Variants in MAST1 observed in about 807,000 individuals in gnomAD.
MAST1 encodes microtubule-associated serine/threonine-protein kinase 1.
Under a neutral mutation model 124.6 loss-of-function variants are expected in MAST1, and 40 were observed. The ratio of observed to expected loss-of-function variants is 0.32; its 90% CI spans 0.25 to 0.42. The LOEUF (loss-of-function observed/expected upper bound fraction) is 0.42, where lower values mean the gene tolerates loss of function less well. MAST1 is among the 10% of genes least tolerant of loss of function. MAST1 has a pLI of 1.00. For missense variants in MAST1, 1,558 were observed against 2,181.9 expected (o/e 0.71, Z 5.70); for synonymous variants, 938 against 939.4 (o/e 1.00, Z 0.03).
At position 12,841,919 on chromosome 19, in the gene MAST1, G is replaced by C. The variant is rs1969833966; in HGVS notation, c.248+853G>C. Among the ~76,000 whole-genome samples, 1 of 152,168 alleles carries C rather than the reference G, an allele frequency of 6.6e-6. No individual in the cohort carries two copies. Among genetic ancestry groups the C allele is most frequent in the Non-Finnish European group, 1.5e-5 (1 of 68,040 alleles). On this transcript the variant is annotated intron_variant, in intron 3 of 25. Coordinates refer to ENST00000251472, the MANE Select transcript of MAST1 (RefSeq NM_014975.3). This position sits in a 1 kb window ranked among gnomAD's most constrained non-coding sequence, Gnocchi z 4.3. ...ATAGAGAGCCAGGACAAGGCTCTGG[G>C]ATAGGGTCTCACATGTTTATCCGCA... is the stretch of plus-strand genomic sequence containing the variant.
In MAST1 at chr19:12,866,072, G is replaced by A. The variant is rs1970149893; in HGVS notation, c.1999G>A (p.Glu667Lys). ...RQKAEFIPHL[E>K]SEDDTSYFDT... ...GAAGGCCGAGTTCATCCCCCACCTA[G>A]AGTCGGAAGATGACACTAGCTACTT... Residue 667 changes from glutamate to lysine, a missense_variant, in exon 17 of 26, where the codon GAG becomes AAG. By Grantham distance (56) the Glu-to-Lys change is moderately conservative. Around this residue, in one of 10 missense-constraint regions of MAST1, gnomAD observed 145 missense variants for 350.0 expected, o/e 0.41. Transcript: ENST00000251472. The surrounding 1 kb of genome is among the most constrained non-coding windows in gnomAD (Gnocchi z 5.2). The A allele has an allele frequency of 6.2e-7, 1 of 1,614,028 alleles. No homozygotes were observed. The highest frequency in any genetic ancestry group is 1.3e-5 in the African/African-American group (1 of 74,954).
Position 12,866,821 on chromosome 19 carries a change from G to C in MAST1, c.2139+59G>C, listed in dbSNP as rs1970160815. ...CCCCAGGAGGGATGGGGCTTGGAGAGACAGTGAGAAACAGGTTCCCTGGTG... is the reference window on the plus strand; with the variant it reads ...CCCCAGGAGGGATGGGGCTTGGAGACACAGTGAGAAACAGGTTCCCTGGTG... On this transcript the variant is annotated intron_variant, in intron 18 of 25. Coordinates refer to ENST00000251472, the MANE Select transcript of MAST1 (RefSeq NM_014975.3). The surrounding 1 kb of genome is among the most constrained non-coding windows in gnomAD (Gnocchi z 5.2). 7.1e-7 allele frequency: 1 copy of C among 1,409,604 alleles called. No homozygotes were observed. Among genetic ancestry groups the C allele is most frequent in the Admixed American group, 1.9e-5 (1 of 53,140 alleles). 87.3% of individuals were successfully genotyped at this position (1,409,604 alleles called of 1,614,324 possible).
intron 10 of MAST1, among the ~76,000 whole-genome samples, chr19:12,853,368 T>C (rs1969985600): frequency 1.3e-5 from 2 of 151,630 alleles, no homozygotes; most frequent in Admixed American, 1.3e-4. Flanking sequence ...GGATTGTTTG[T>C]GCTAAGGCAT....
At position 12,865,034 on chromosome 19, in the gene MAST1, C is replaced by T. The variant is rs1398000515; in HGVS notation, c.1506-12C>T. 1.2e-6 allele frequency: 2 copies of T among 1,613,970 alleles called. No individual in the cohort carries two copies. The highest frequency in any genetic ancestry group is 1.3e-5 in the African/African-American group (1 of 75,050). On this transcript the variant is annotated splice_polypyrimidine_tract_variant and intron_variant, in intron 13 of 25. Transcript: ENST00000251472. This position sits in a 1 kb window ranked among gnomAD's most constrained non-coding sequence, Gnocchi z 7.1. Reference sequence around the variant, plus strand: ...CGGGCCTCATCCCTGAGATCCCCACCTGTGCCTACAGCCTCCTTATCACCT... The same window carrying T: ...CGGGCCTCATCCCTGAGATCCCCACTTGTGCCTACAGCCTCCTTATCACCT...
At chr19:12,867,380 G>A (rs1310326751) in intron 18 of MAST1, 94 bp from the exon 19 acceptor site, 17 of 1,428,210 alleles carry the variant, frequency 1.2e-5, no homozygotes, top group Non-Finnish European at 1.7e-5. Context: ...GGAGGGTGGA[G>A]TGCGTTTTGC....
At chr19:12,871,012 C>G (rs552066154) in intron 23 of MAST1, 24 bp from the exon 24 acceptor site, 55 of 1,614,074 alleles carry the variant, frequency 3.4e-5, no homozygotes, top group African/African-American at 4.0e-5. Flanking sequence ...CCTAGCAGAG[C>G]ATTTTCCCGC....
intron 24 of MAST1, among the ~76,000 whole-genome samples, chr19:12,871,531 C>T (rs1313483914): frequency 2.6e-5 from 4 of 152,008 alleles, no homozygotes; most frequent in South Asian, 2.1e-4. Flanking sequence ...CCCTTGAACC[C>T]GGGAGGTGGA....
chr19:12,860,769 C>T (rs1007528629), intron 12 of MAST1, among the ~76,000 whole-genome samples: 2 of 151,970 alleles, frequency 1.3e-5, no homozygotes, highest in African/African-American at 2.4e-5. Context: ...TTAATCCATC[C>T]GTGCATGTAT....
intron 12 of MAST1, among the ~76,000 whole-genome samples, chr19:12,859,819 T>G (rs1340875309): frequency 7.0e-6 from 1 of 143,788 alleles, no homozygotes; most frequent in African/African-American, 2.6e-5. Flanking sequence ...AGCAAGACCC[T>G]GTCCCGCAAA....
At chr19:12,853,019 G>A (rs544755628) in intron 10 of MAST1, among the ~76,000 whole-genome samples, 1 of 150,766 alleles carries the variant, frequency 6.6e-6, no homozygotes, top group Non-Finnish European at 1.5e-5. Flanking sequence ...TGCCCAGGCT[G>A]GAGTGCAATG....
chr19:12,843,374 T>C lies in MAST1; in HGVS notation c.249-155T>C, dbSNP rs1392117730. On this transcript the variant is annotated intron_variant, in intron 3 of 25. Coordinates refer to ENST00000251472, the MANE Select transcript of MAST1 (RefSeq NM_014975.3). The surrounding 1 kb of genome is among the most constrained non-coding windows in gnomAD (Gnocchi z 4.9). ...GTGCCTGCCTGGAAGAGTCCCTCTT[T>C]ATCCCCTTGATTCTGAGGGCCTTGA... 6.6e-6 allele frequency among the ~76,000 whole-genome samples: 1 copy of C among 152,096 alleles called. No individual in the cohort carries two copies. Among genetic ancestry groups the C allele is most frequent in the Non-Finnish European group, 1.5e-5 (1 of 67,992 alleles).
intron 3 of MAST1, among the ~76,000 whole-genome samples, chr19:12,842,091 G>A (rs552944329): frequency 6.6e-6 from 1 of 152,304 alleles, no homozygotes; most frequent in Admixed American, 6.5e-5. Context: ...ACGTGCCTAT[G>A]CAATGGCACG....
intron 7 of MAST1, 123 bp from the exon 8 acceptor site, chr19:12,851,811 G>T: frequency 1.4e-6 from 1 of 709,252 alleles, no homozygotes; most frequent in Non-Finnish European, 2.3e-6. Flanking sequence ...TGTGGCTTGG[G>T]CTTCAGTCTC....
rs747511097 is a variant in MAST1, at chr19:12,858,349, C to G, written c.1078-13C>G. On this transcript the variant is annotated splice_polypyrimidine_tract_variant and intron_variant, in intron 10 of 25. Transcript: ENST00000251472. ...ATGATGATGGTGGTGTGGTCTCCAT[C>G]TTTTTCCTGAAGGGCCGCAGCAGCA... The G allele has an allele frequency of 6.2e-6, 10 of 1,609,570 alleles. No homozygotes were observed. Among genetic ancestry groups the G allele is most frequent in the Non-Finnish European group, 8.5e-6 (10 of 1,177,202 alleles).
intron 10 of MAST1, 65 bp downstream of exon 10, chr19:12,852,460 CGGCTTCTTTGCCCTCA>C: frequency 6.9e-7 from 1 of 1,458,966 alleles, no homozygotes; most frequent in Non-Finnish European, 9.6e-7. Flanking sequence ...GGCTCATCTC[CGGCTTCTTTGCCCTCA>C]GGCTTTGTGG....
intron 12 of MAST1, 50 bp from the exon 13 acceptor site, chr19:12,864,759 A>T: frequency 6.2e-7 from 1 of 1,609,174 alleles, no homozygotes; most frequent in South Asian, 1.1e-5. Flanking sequence ...GTGCATGTCC[A>T]GAGAGAGGAA....
intron 7 of MAST1, 89 bp downstream of exon 7, chr19:12,848,146 A>G: frequency 8.1e-7 from 1 of 1,232,672 alleles, no homozygotes; most frequent in Non-Finnish European, 1.1e-6. Flanking sequence ...ACATACATTC[A>G]GGGAGCTCCT....
rs1252147610 is a variant in MAST1 at position 12,874,202 on chromosome 19, G to A, written c.4045G>A (p.Gly1349Ser). 1.3e-6 allele frequency: 2 copies of A among 1,544,230 alleles called. No homozygotes were observed. Among genetic ancestry groups the A allele is most frequent in the Non-Finnish European group, 1.7e-6 (2 of 1,147,634 alleles). ...GGGCGCGGACCCGTTGCTGCCCGAG[G>A]GTGCCTCCAGGCCACCAGTGTCGAG... ...SLGADPLLPE[G>S]ASRPPVSSKE... Residue 1349 changes from glycine to serine, a missense_variant, in exon 26 of 26, where the codon GGT (glycine) becomes AGT (serine). Gly to Ser is a moderately conservative substitution (Grantham distance 56). Transcript: ENST00000251472. The surrounding 1 kb of genome is among the most constrained non-coding windows in gnomAD (Gnocchi z 6.6).
intron 24 of MAST1, 27 bp from the exon 25 acceptor site, chr19:12,873,297 A>T: frequency 6.2e-7 from 1 of 1,601,356 alleles, no homozygotes; most frequent in Non-Finnish European, 8.5e-7. Flanking sequence ...CAGGTCAAGG[A>T]CGCTTGGCCC....
Sources: allele counts gnomAD v4.1 joint callset (sites outside exome capture counted in the v4.1 genomes callset), GRCh38; gene constraint gnomAD v4.1.1; regional missense constraint gnomAD v4.1.1; non-coding constraint Gnocchi (gnomAD v3.1); transcripts MANE v1.5; gene names NCBI Gene and HGNC (gene_info 2026-07-23, HGNC 2026-07-21).